PPP2R5A: variants seen among roughly 807,000 people sequenced by gnomAD.
PPP2R5A encodes protein phosphatase 2 regulatory subunit B'alpha.
A neutral mutation model predicts 64.2 loss-of-function variants in PPP2R5A; 25 were observed. The observed-to-expected ratio is 0.39, with a 90% CI of 0.28 to 0.54. The LOEUF (loss-of-function observed/expected upper bound fraction) is 0.54. Among genes scored for constraint, PPP2R5A ranks in the 20% least tolerant of loss-of-function variants. The pLI is 0.67. For synonymous variants in PPP2R5A, 198 were observed against 201.2 expected (o/e 0.98, Z 0.13); for missense variants, 425 against 576.3 (o/e 0.74, Z 2.69).
chr1:212,302,945 A>G (rs528516663), intron 1 of PPP2R5A, among the ~76,000 whole-genome samples: 1 of 152,248 alleles, frequency 6.6e-6, no homozygotes, highest in African/African-American at 2.4e-5. Flanking sequence ...TTTATGGCTG[A>G]ATAATATTCT....
At position 212,305,115 on chromosome 1, in the gene PPP2R5A, CA is replaced by C. The variant is rs1183538665; in HGVS notation, c.181+18826del. ...GCAGTGGCTCCATCTCAGCTCACTG[CA>C]AGCTCCGCCTCCCGGGTTCACGCCA... On this transcript the variant is annotated intron_variant, in intron 1 of 12. Coordinates refer to ENST00000261461, the MANE Select transcript of PPP2R5A (RefSeq NM_006243.4). Among the ~76,000 whole-genome samples, 8 of 147,754 alleles carry C rather than the reference CA, an allele frequency of 5.4e-5. No individual in the cohort carries two copies. The Admixed American group carries it at 5.4e-4, about 10-fold the overall frequency.
chr1:212,297,359 C>A (rs1436553757), intron 1 of PPP2R5A: 1 of 151,836 alleles, frequency 6.6e-6, no homozygotes, highest in African/African-American at 2.4e-5. Context: ...CGTGATCCAC[C>A]CGCTTCGGCC....
intron 1 of PPP2R5A, among the ~76,000 whole-genome samples, chr1:212,327,549 G>C (rs1227340813): frequency 6.6e-6 from 1 of 151,984 alleles, no homozygotes; most frequent in Non-Finnish European, 1.5e-5. Context: ...CCAGTAGCTG[G>C]GATTACAGGC....
chr1:212,350,797 A>T (rs1659861914), intron 8 of PPP2R5A, among the ~76,000 whole-genome samples: 1 of 152,082 alleles, frequency 6.6e-6, no homozygotes, highest in Non-Finnish European at 1.5e-5. Context: ...AATTTTATTT[A>T]ATTAATTTGG....
rs1465848590 is a variant in PPP2R5A, at chr1:212,361,079, C to T, written c.*309C>T. ...AGTGGTAAGAATTATGACTTGAATT[C>T]TTCTTTGATTGTGTTGCACATAGAT... On this transcript the variant is annotated 3_prime_UTR_variant, in exon 13 of 13. Coordinates refer to ENST00000261461, the MANE Select transcript of PPP2R5A (RefSeq NM_006243.4). The T allele has an allele frequency of 5.4e-6, 1 of 186,088 alleles. No individual in the cohort carries two copies. Among genetic ancestry groups the T allele is most frequent in the African/African-American group, 2.3e-5 (1 of 42,902 alleles). 11.5% of individuals were successfully genotyped at this position (186,088 alleles called of 1,614,324 possible). A position where few individuals can be genotyped will look rare whatever the true frequency, so the allele number is the denominator to read the frequency against.
intron 1 of PPP2R5A, among the ~76,000 whole-genome samples, chr1:212,320,793 C>G (rs1395894461): frequency 7.3e-6 from 1 of 137,654 alleles, no homozygotes; most frequent in African/African-American, 2.7e-5. Context: ...CCGGATGGTG[C>G]GGCTGGCCGG....
rs3070963 is a variant in PPP2R5A at position 212,305,035 on chromosome 1, A to ATTTT, written c.181+18762_181+18765dup. 1.8e-3 allele frequency among the ~76,000 whole-genome samples: 196 copies of ATTTT among 107,922 alleles called. 9 individuals carry two copies. The highest frequency in any genetic ancestry group is 7.3e-3 in the African/African-American group (183 of 25,228). 70.8% of individuals were successfully genotyped at this position (107,922 alleles called of 152,430 possible). A position where few individuals can be genotyped will look rare whatever the true frequency, so the allele number is the denominator to read the frequency against. ...TGGGAGCTGCCACACCCGGCCCCCAATTTTTTTTTTTTTTTTTTTTTGAGA... is the reference window on the plus strand; with the variant it reads ...TGGGAGCTGCCACACCCGGCCCCCAATTTTTTTTTTTTTTTTTTTTTTTTTGAGA... On this transcript the variant is annotated intron_variant, in intron 1 of 12. Coordinates refer to ENST00000261461, the MANE Select transcript of PPP2R5A (RefSeq NM_006243.4).
chr1:212,323,238 T>C (rs1659344216), intron 1 of PPP2R5A, among the ~76,000 whole-genome samples: 1 of 152,264 alleles, frequency 6.6e-6, no homozygotes, highest in South Asian at 2.1e-4. Flanking sequence ...AGCATTACTT[T>C]CTGTGTTCTG....
intron 5 of PPP2R5A, among the ~76,000 whole-genome samples, chr1:212,346,275 G>A (rs1663628): frequency 3.3e-5 from 5 of 151,668 alleles, no homozygotes; most frequent in Middle Eastern, 3.2e-3. Flanking sequence ...TATATGTAAC[G>A]TAGTATATAT....
intron 5 of PPP2R5A, 38 bp downstream of exon 5, chr1:212,345,971 C>G: frequency 6.6e-7 from 1 of 1,521,394 alleles, no homozygotes; most frequent in South Asian, 1.2e-5. Context: ...ACCTTTTCCT[C>G]CTACATATCT....
intron 1 of PPP2R5A, among the ~76,000 whole-genome samples, chr1:212,296,958 T>A (rs1238800625): frequency 6.6e-6 from 1 of 152,228 alleles, no homozygotes; most frequent in Non-Finnish European, 1.5e-5. Context: ...CTGATTCCTC[T>A]ATTAAATGGA....
intron 3 of PPP2R5A, among the ~76,000 whole-genome samples, chr1:212,339,133 C>G (rs998955236): frequency 3.3e-5 from 5 of 152,064 alleles, no homozygotes; most frequent in African/African-American, 1.2e-4. Context: ...CTGTAGATCA[C>G]TAGTGTTTCT....
At chr1:212,348,782 C>G (rs570044255) in intron 7 of PPP2R5A, among the ~76,000 whole-genome samples, 3 of 152,286 alleles carry the variant, frequency 2.0e-5, no homozygotes, top group African/African-American at 7.2e-5. Flanking sequence ...CACATATCTA[C>G]AGAATGTTTC....
At chr1:212,342,416 A>G in intron 4 of PPP2R5A, 136 bp downstream of exon 4, 2 of 1,190,458 alleles carry the variant, frequency 1.7e-6, no homozygotes, top group Non-Finnish European at 2.2e-6. Flanking sequence ...CCAAACCATT[A>G]GAATAAAAGT....
At chr1:212,320,273 G>A (rs1430939942) in intron 1 of PPP2R5A, among the ~76,000 whole-genome samples, 1 of 152,202 alleles carries the variant, frequency 6.6e-6, no homozygotes, top group Non-Finnish European at 1.5e-5. Flanking sequence ...TAAGGTCACA[G>A]ATCAACGGGA....
At chr1:212,345,474 T>G (rs1659761473) in intron 4 of PPP2R5A, among the ~76,000 whole-genome samples, 1 of 152,184 alleles carries the variant, frequency 6.6e-6, no homozygotes, top group Admixed American at 6.5e-5. Context: ...GCATTAAAAA[T>G]CCCAAATTTT....
intron 1 of PPP2R5A, among the ~76,000 whole-genome samples, chr1:212,295,358 T>C (rs1658674793): frequency 6.6e-6 from 1 of 152,160 alleles, no homozygotes; most frequent in Non-Finnish European, 1.5e-5. Flanking sequence ...AAAAAAGACA[T>C]TAGATTTGGG....
chr1:212,309,917 T>C (rs761372357), intron 1 of PPP2R5A, among the ~76,000 whole-genome samples: 28 of 152,328 alleles, frequency 1.8e-4, no homozygotes, highest in Admixed American at 9.1e-4. Context: ...TCGGCTGTTT[T>C]AAATAATATA....
chr1:212,321,391 C>G (rs1205352271), intron 1 of PPP2R5A, among the ~76,000 whole-genome samples: 1 of 147,338 alleles, frequency 6.8e-6, no homozygotes, highest in South Asian at 2.2e-4. Context: ...CCCTCCCAGA[C>G]GGGGTGGCTG....
Sources: allele counts gnomAD v4.1 joint callset (sites outside exome capture counted in the v4.1 genomes callset), GRCh38; gene constraint gnomAD v4.1.1; transcripts MANE v1.5; gene names NCBI Gene and HGNC (gene_info 2026-07-23, HGNC 2026-07-21).